ELF2: variants seen among roughly 807,000 people sequenced by gnomAD.
ELF2 encodes E74 like ETS transcription factor 2.
Under a neutral mutation model 54.8 loss-of-function variants are expected in ELF2, and 11 were observed. That is an observed-to-expected ratio of 0.20 (90% CI 0.13 to 0.33). The LOEUF (loss-of-function observed/expected upper bound fraction) is 0.33, where lower values mean the gene tolerates loss of function less well. Among genes scored for constraint, ELF2 ranks in the 10% least tolerant of loss-of-function variants. The pLI is 1.00. For synonymous variants in ELF2, 203 were observed against 245.1 expected (o/e 0.83, Z 1.61); for missense variants, 513 against 703.0 (o/e 0.73, Z 3.06).
intron 4 of ELF2, among the ~76,000 whole-genome samples, chr4:139,118,831 A>G (rs1736025303): frequency 6.6e-6 from 1 of 152,230 alleles, no homozygotes; most frequent in Non-Finnish European, 1.5e-5. Flanking sequence ...AAACTCTGTC[A>G]CAAGCACTGT....
intron 4 of ELF2, among the ~76,000 whole-genome samples, chr4:139,119,796 T>C (rs950770565): frequency 4.6e-5 from 7 of 152,242 alleles, no homozygotes; most frequent in African/African-American, 1.7e-4. Context: ...TGTTTGTTTT[T>C]GAGATGGAGT....
intron 1 of ELF2, among the ~76,000 whole-genome samples, chr4:139,151,045 AAAGAAAGAAAGAAAGAAAGAAAG>A (rs1739884517): frequency 2.5e-5 from 2 of 79,124 alleles, no homozygotes; most frequent in African/African-American, 7.2e-5. Context: ...AGAAAGAAAG[AAAGAAAGAAAGAAAGAAAGAAAG>A]AAAGAAAGAA....
rs548982825 is a variant in ELF2 at position 139,121,429 on chromosome 4, C to A, written c.238+3735G>T. ...AGCCTAGTCTGGTCTTAAAAGATTT[C>A]TATCAACACTTATTTATTATTGAGT... On this transcript the variant is annotated intron_variant, in intron 4 of 9. Transcript: ENST00000686138. Among the ~76,000 whole-genome samples, 23 of 151,980 alleles carry A rather than the reference C, an allele frequency of 1.5e-4. No individual in the cohort carries two copies. The South Asian group carries it at 3.9e-3, about 26-fold the overall frequency.
At chr4:139,084,438 G>GCGGC (rs1731703281) in intron 4 of ELF2, 2 of 1,118,152 alleles carry the variant, frequency 1.8e-6, no homozygotes, top group Admixed American at 4.9e-5. Context: ...GCAGGGGCAG[G>GCGGC]GGCGGCGGCG....
intron 4 of ELF2, chr4:139,084,380 C>T (rs1185914493): frequency 1.4e-6 from 2 of 1,453,784 alleles, no homozygotes; most frequent in Non-Finnish European, 9.1e-7. Context: ...GCCCGCCTCC[C>T]GCCGCCGGGC....
chr4:139,085,450 C>T (rs978472306), intron 4 of ELF2, among the ~76,000 whole-genome samples: 1 of 152,162 alleles, frequency 6.6e-6, no homozygotes, highest in Non-Finnish European at 1.5e-5. Context: ...TCCGAATTGA[C>T]TGAACTGTGT....
At chr4:139,090,000 A>G (rs1367477223) in intron 4 of ELF2, among the ~76,000 whole-genome samples, 1 of 152,184 alleles carries the variant, frequency 6.6e-6, no homozygotes, top group African/African-American at 2.4e-5. Context: ...CATGACCATA[A>G]TTCACTGCAG....
At chr4:139,088,920 A>G (rs1732286828) in intron 4 of ELF2, among the ~76,000 whole-genome samples, 1 of 152,130 alleles carries the variant, frequency 6.6e-6, no homozygotes, top group African/African-American at 2.4e-5. Flanking sequence ...CACCACACCC[A>G]GCTAATCTTG....
At position 139,061,916 on chromosome 4, in the gene ELF2, T is replaced by C; in HGVS notation, c.755A>G (p.Lys252Arg). The C allele has an allele frequency of 6.2e-7, 1 of 1,613,912 alleles. No homozygotes were observed. Among genetic ancestry groups the C allele is most frequent in the Non-Finnish European group, 8.5e-7 (1 of 1,179,830 alleles). The stretch of plus-strand genomic sequence containing the variant: ...GTTCATGTCTGGTTTGTTCTTATGC[T>C]TTCCCCAAAGCTTAGAGACAGCCTT... The part of the protein sequence containing the change: ...DSKAVSKLWG[K>R]HKNKPDMNYE... Residue 252 changes from lysine to arginine, a missense_variant, in exon 8 of 10, where the codon AAG (lysine) becomes AGG (arginine). Physicochemically the swap from Lys to Arg is conservative, Grantham distance 26 (BLOSUM62 2). Around this residue, in one of 3 missense-constraint regions of ELF2, gnomAD observed 19 missense variants for 91.0 expected, o/e 0.21. Transcript: ENST00000686138.
chr4:139,077,290 A>C (rs1332057037), intron 4 of ELF2, among the ~76,000 whole-genome samples: 1 of 152,200 alleles, frequency 6.6e-6, no homozygotes, highest in Non-Finnish European at 1.5e-5. Flanking sequence ...ATCAGTGCTC[A>C]GTTTCAGATT....
intron 3 of ELF2, among the ~76,000 whole-genome samples, chr4:139,134,188 A>T (rs1223727943): frequency 2.6e-5 from 4 of 151,988 alleles, no homozygotes; most frequent in Admixed American, 2.0e-4. Context: ...ATTTTTGGCA[A>T]ATGGGTTTTC....
intron 4 of ELF2, among the ~76,000 whole-genome samples, chr4:139,102,563 G>A (rs1180028520): frequency 2.0e-5 from 3 of 149,050 alleles, no homozygotes; most frequent in East Asian, 2.0e-4. Context: ...AGTATCGGCC[G>A]GGCATGCTGG....
intron 3 of ELF2, among the ~76,000 whole-genome samples, chr4:139,134,189 A>T (rs1325322999): frequency 2.6e-5 from 4 of 151,940 alleles, no homozygotes; most frequent in Admixed American, 2.0e-4. Context: ...TTTTTGGCAA[A>T]TGGGTTTTCT....
intron 1 of ELF2, among the ~76,000 whole-genome samples, chr4:139,173,510 G>A (rs955755126): frequency 6.6e-6 from 1 of 152,004 alleles, no homozygotes; most frequent in East Asian, 1.9e-4. Flanking sequence ...TGTAATCCCA[G>A]CACTTTGGGA....
In ELF2 at chr4:139,059,277, A is replaced by G; in HGVS notation, c.1488T>C (p.Leu496=). 6.2e-7 allele frequency: 1 copy of G among 1,613,900 alleles called. No individual in the cohort carries two copies. Among genetic ancestry groups the G allele is most frequent in the Non-Finnish European group, 8.5e-7 (1 of 1,179,860 alleles). The change falls in exon 10 of 10, where the codon CTT becomes CTC. Residue 496 remains leucine (L), a synonymous_variant. Coordinates refer to ENST00000686138, the MANE Select transcript of ELF2 (RefSeq NM_001331036.3). The part of the protein sequence containing the change: ...IVGTPLAVRA[L]TPVSIAHGTP... ...TACCATGGGCTATTGAAACAGGGGT[A>G]AGTGCTCTCACAGCCAATGGGGTTC...
Position 139,060,433 on chromosome 4 carries a change from T to C in ELF2, c.1048A>G (p.Arg350Gly). 2 of 1,614,206 alleles carry C rather than the reference T, an allele frequency of 1.2e-6. No individual in the cohort carries two copies. The highest frequency in any genetic ancestry group is 2.2e-5 in the South Asian group (2 of 91,088). Residue 350 changes from arginine to glycine, a missense_variant, in exon 9 of 10, where the codon AGA becomes GGA. This residue lies in a region of ELF2 where 291 missense variants were observed against 366.1 expected (regional missense o/e 0.79). Transcript: ENST00000686138. ...GKNSSPINCS[R>G]AEKGVARVVN... ...ACTCTAGCTACACCCTTCTCTGCTC[T>C]GGAGCAGTTTATAGGGGATGAATTT...
At chr4:139,087,379 T>C (rs1474518367) in intron 4 of ELF2, among the ~76,000 whole-genome samples, 2 of 152,190 alleles carry the variant, frequency 1.3e-5, no homozygotes, top group African/African-American at 4.8e-5. Flanking sequence ...CATCCCAAAG[T>C]GTTGGGATTA....
intron 4 of ELF2, among the ~76,000 whole-genome samples, chr4:139,075,871 G>A (rs186303962): frequency 1.3e-5 from 2 of 152,214 alleles, no homozygotes; most frequent in African/African-American, 4.8e-5. Flanking sequence ...TTAGTAAGAC[G>A]TTCTGAAACA....
chr4:139,134,449 C>CA (rs1737883082), intron 3 of ELF2, among the ~76,000 whole-genome samples: 1 of 151,948 alleles, frequency 6.6e-6, no homozygotes, highest in Admixed American at 6.6e-5. Flanking sequence ...CTCTACCTCC[C>CA]AGGCTCAAGC....
Sources: allele counts gnomAD v4.1 joint callset (sites outside exome capture counted in the v4.1 genomes callset), GRCh38; gene constraint gnomAD v4.1.1; regional missense constraint gnomAD v4.1.1; transcripts MANE v1.5; gene names NCBI Gene and HGNC (gene_info 2026-07-23, HGNC 2026-07-21).